The following KIFBP variants were observed in gnomAD, a reference collection of about 807,000 sequenced individuals.
KIFBP encodes KIF-binding protein.
A neutral mutation model predicts 58.9 loss-of-function variants in KIFBP; 46 were observed. The ratio of observed to expected loss-of-function variants is 0.78; its 90% CI spans 0.62 to 1.00. KIFBP has a LOEUF of 1.00. Ranked by LOEUF, KIFBP falls within the 50% of genes least tolerant of loss-of-function variation. KIFBP has a pLI of 0.00. For missense variants in KIFBP, 651 were observed against 752.9 expected, an observed-to-expected ratio of 0.86 and a Z score of 1.58; for synonymous variants, 241 against 283.4, an observed-to-expected ratio of 0.85 and a Z score of 1.50.
Position 68,989,168 on chromosome 10 carries a change from G to T in KIFBP, c.336G>T (p.Ser112=). 1 of 1,613,660 alleles carries T rather than the reference G, an allele frequency of 6.2e-7. No homozygotes were observed. Among genetic ancestry groups the T allele is most frequent in the Non-Finnish European group, 8.5e-7 (1 of 1,179,842 alleles). The part of the protein sequence containing the change: ...GVNHIDTEEL[S]AGEEHLVKCL... The stretch of plus-strand genomic sequence containing the variant: ...ACCACATCGACACGGAGGAGCTGTC[G>T]GCGGGGGAGGAGCACCTGGTGAAAT... The change falls in exon 1 of 7, where the codon TCG becomes TCT. Residue 112 remains serine, a synonymous_variant. Coordinates refer to ENST00000361983, the MANE Select transcript of KIFBP (RefSeq NM_015634.4).
intron 2 of KIFBP, among the ~76,000 whole-genome samples, chr10:69,002,805 T>C (rs924012602): frequency 6.6e-6 from 1 of 152,032 alleles, no homozygotes; most frequent in Admixed American, 6.6e-5. Context: ...GGAGGATGGC[T>C]TGAGTCCGGG....
intron 5 of KIFBP, among the ~76,000 whole-genome samples, chr10:69,009,585 A>T (rs1023339175): frequency 2.0e-5 from 3 of 152,130 alleles, no homozygotes; most frequent in Admixed American, 6.6e-5. Flanking sequence ...TATTTCATAG[A>T]ATTACTGCCA....
At chr10:69,009,775 T>G (rs985506060) in intron 5 of KIFBP, among the ~76,000 whole-genome samples, 5 of 152,320 alleles carry the variant, frequency 3.3e-5, no homozygotes, top group Admixed American at 3.3e-4. Flanking sequence ...TTTTAATAAG[T>G]TCATCATTTT....
intron 4 of KIFBP, 71 bp from the exon 5 acceptor site, chr10:69,008,770 A>G: frequency 2.5e-6 from 3 of 1,182,722 alleles, no homozygotes; most frequent in Middle Eastern, 3.8e-4. Context: ...TATTAAAAGA[A>G]ATTATGCAAG....
chr10:68,998,972 G>A (rs902576132), intron 1 of KIFBP, among the ~76,000 whole-genome samples: 3 of 151,442 alleles, frequency 2.0e-5, no homozygotes, highest in African/African-American at 7.3e-5. Flanking sequence ...GTAGAGATGG[G>A]GTTTCACCAC....
intron 2 of KIFBP, among the ~76,000 whole-genome samples, chr10:69,001,749 C>CAA (rs11321915): frequency 1.7e-4 from 21 of 122,202 alleles, no homozygotes; most frequent in African/African-American, 5.1e-4. Flanking sequence ...GACCCTGTCT[C>CAA]AAAAAAAAAA....
At chr10:69,011,625 C>T (rs1223723945) in intron 6 of KIFBP, among the ~76,000 whole-genome samples, 3 of 145,218 alleles carry the variant, frequency 2.1e-5, no homozygotes, top group African/African-American at 7.6e-5. Context: ...CTCAAGTGAT[C>T]TTCCTGCCTT....
intron 4 of KIFBP, among the ~76,000 whole-genome samples, chr10:69,008,391 A>AAAAAAAAAAAAAAAAATATATATAT: frequency 2.8e-5 from 2 of 71,610 alleles, no homozygotes; most frequent in African/African-American, 1.6e-4. Flanking sequence ...AAAAAAAAAA[A>AAAAAAAAAAAAAAAAATATATATAT]ATATATATAT....
intron 6 of KIFBP, among the ~76,000 whole-genome samples, chr10:69,013,381 G>T (rs1843613884): frequency 6.6e-6 from 1 of 152,198 alleles, no homozygotes; most frequent in Non-Finnish European, 1.5e-5. Flanking sequence ...ACAGGAAGTA[G>T]GGAGAATAAC....
chr10:69,007,571 T>G (rs1336745870), intron 4 of KIFBP: 2 of 152,186 alleles, frequency 1.3e-5, no homozygotes, highest in African/African-American at 4.8e-5. Flanking sequence ...AAAGTTTCAT[T>G]ATATAAACTC....
chr10:69,013,834 C>A (rs1397103629), intron 6 of KIFBP, among the ~76,000 whole-genome samples: 3 of 152,156 alleles, frequency 2.0e-5, no homozygotes, highest in Non-Finnish European at 4.4e-5. Flanking sequence ...ACTGCATCCT[C>A]CACCTCCCTG....
intron 4 of KIFBP, among the ~76,000 whole-genome samples, chr10:69,008,391 A>AAAAAAAAAAAAT: frequency 4.2e-5 from 3 of 71,614 alleles, no homozygotes; most frequent in African/African-American, 7.8e-5. Context: ...AAAAAAAAAA[A>AAAAAAAAAAAAT]ATATATATAT....
chr10:69,005,685 A>AAG, intron 3 of KIFBP, 47 bp from the exon 4 acceptor site: 1 of 1,463,796 alleles, frequency 6.8e-7, no homozygotes, highest in Non-Finnish European at 9.5e-7. Flanking sequence ...GAAAAAAAAA[A>AAG]AACAAGTAAA....
chr10:69,013,757 C>T (rs759655423), intron 6 of KIFBP, among the ~76,000 whole-genome samples: 3 of 151,906 alleles, frequency 2.0e-5, no homozygotes, highest in Non-Finnish European at 2.9e-5. Flanking sequence ...TTCCTTAAAC[C>T]CAGTTTTGTT....
In KIFBP at chr10:69,015,405, G is replaced by A. The variant is rs2132119444; in HGVS notation, c.991-136G>A. On this transcript the variant is annotated intron_variant, in intron 6 of 6. Transcript: ENST00000361983. ...GAAAGAAGTTTTCAAAGGTGTTTAA[G>A]ATTATGATACCCTTCTAAACCAGGC... is the stretch of plus-strand genomic sequence containing the variant. The A allele has an allele frequency of 6.6e-6, 5 of 758,412 alleles. No homozygotes were observed. In the South Asian group the frequency reaches 9.3e-5, roughly 14 times the overall value. 47.0% of individuals were successfully genotyped at this position (758,412 alleles called of 1,614,324 possible). A position where few individuals can be genotyped will look rare whatever the true frequency, so the allele number is the denominator to read the frequency against.
intron 6 of KIFBP, among the ~76,000 whole-genome samples, chr10:69,012,543 A>G (rs895377471): frequency 6.6e-6 from 1 of 151,770 alleles, no homozygotes; most frequent in African/African-American, 2.4e-5. Flanking sequence ...ACTCTGCTTG[A>G]TAAAAGTATA....
intron 4 of KIFBP, among the ~76,000 whole-genome samples, chr10:69,008,391 A>AAAAAAAAAATATATATAT: frequency 1.4e-5 from 1 of 71,612 alleles, no homozygotes; most frequent in Non-Finnish European, 2.4e-5. Context: ...AAAAAAAAAA[A>AAAAAAAAAATATATATAT]ATATATATAT....
At chr10:69,009,329 T>C (rs1843568232) in intron 5 of KIFBP, among the ~76,000 whole-genome samples, 1 of 152,086 alleles carries the variant, frequency 6.6e-6, no homozygotes, top group African/African-American at 2.4e-5. Flanking sequence ...CCCATCTCTA[T>C]GTTTTTAAAG....
intron 2 of KIFBP, among the ~76,000 whole-genome samples, chr10:69,004,527 G>A (rs1843510480): frequency 1.3e-5 from 2 of 152,076 alleles, no homozygotes; most frequent in African/African-American, 4.8e-5. Context: ...ACAAATAAAA[G>A]GGTATCTTTT....
Sources: gnomAD v4.1 joint callset for allele counts (sites outside exome capture counted in the v4.1 genomes callset) on GRCh38, gnomAD v4.1.1 for gene constraint, MANE v1.5 for transcripts, NCBI Gene and HGNC (gene_info 2026-07-23, HGNC 2026-07-21) for gene names.